FAM240B: variants seen among roughly 807,000 people sequenced by gnomAD.
The protein encoded by FAM240B is protein FAM240B.
intron 1 of FAM240B, among the ~76,000 whole-genome samples, chr9:38,710,675 T>A (rs1412834888): frequency 6.7e-6 from 1 of 148,398 alleles, no homozygotes; most frequent in Non-Finnish European, 1.5e-5. Context: ...ATGGAGCAGG[T>A]CTGCCCCCAC....
At chr9:38,707,872 C>G (rs569030387) in intron 1 of FAM240B, among the ~76,000 whole-genome samples, 4 of 151,982 alleles carry the variant, frequency 2.6e-5, no homozygotes, top group African/African-American at 9.6e-5. Flanking sequence ...AGCTCTGCTT[C>G]TCATTCCTTT....
At chr9:38,698,141 G>A (rs1473085379) in intron 2 of FAM240B, among the ~76,000 whole-genome samples, 7 of 152,068 alleles carry the variant, frequency 4.6e-5, no homozygotes, top group East Asian at 1.9e-4. Context: ...CCTTGGTCTC[G>A]ACTTAAAAAA....
intron 1 of FAM240B, among the ~76,000 whole-genome samples, chr9:38,709,366 T>G (rs965508849): frequency 1.3e-5 from 2 of 152,210 alleles, no homozygotes; most frequent in Non-Finnish European, 2.9e-5. Flanking sequence ...TTGAACAGAA[T>G]TGATAGCAAT....
intron 1 of FAM240B, among the ~76,000 whole-genome samples, chr9:38,715,621 A>C (rs1341522253): frequency 1.3e-5 from 2 of 152,246 alleles, no homozygotes; most frequent in Non-Finnish European, 2.9e-5. Flanking sequence ...TTTTCAAAAG[A>C]AGCTGGAAAT....
At chr9:38,717,729 G>A (rs541003452) in intron 1 of FAM240B, among the ~76,000 whole-genome samples, 4 of 152,090 alleles carry the variant, frequency 2.6e-5, no homozygotes, top group South Asian at 2.1e-4. Context: ...TGATCCGCCC[G>A]CCTCGGCCTC....
chr9:38,713,813 G>A (rs141670947), intron 1 of FAM240B, among the ~76,000 whole-genome samples: 2 of 152,330 alleles, frequency 1.3e-5, no homozygotes, highest in African/African-American at 4.8e-5. Context: ...TCTGGCTGAT[G>A]CTATAGAGGA....
intron 1 of FAM240B, among the ~76,000 whole-genome samples, chr9:38,712,610 C>G (rs1376244256): frequency 1.3e-5 from 2 of 152,172 alleles, no homozygotes; most frequent in Non-Finnish European, 2.9e-5. Flanking sequence ...GGAGTCCAGA[C>G]CTGCTGATTT....
chr9:38,719,020 T>C (rs907618604), intron 1 of FAM240B, among the ~76,000 whole-genome samples: 10 of 152,160 alleles, frequency 6.6e-5, no homozygotes, highest in Non-Finnish European at 2.9e-5. Flanking sequence ...ACAGGTTCAT[T>C]GAGGTCCATC....
intron 1 of FAM240B, among the ~76,000 whole-genome samples, chr9:38,714,787 C>T (rs4129108): frequency 0.6 from 90,802 of 152,004 alleles, 27,310 homozygotes; most frequent in Middle Eastern, 0.68. Context: ...GACTGAGAAA[C>T]GGTCACAGAT....
chr9:38,696,854 C>T (rs1489119234), intron 2 of FAM240B, among the ~76,000 whole-genome samples: 1 of 152,102 alleles, frequency 6.6e-6, no homozygotes, highest in Non-Finnish European at 1.5e-5. Flanking sequence ...CTTATATGAC[C>T]TTCTACTTTG....
chr9:38,695,541 A>C (rs1410940542), intron 2 of FAM240B, among the ~76,000 whole-genome samples: 5 of 152,138 alleles, frequency 3.3e-5, no homozygotes, highest in African/African-American at 1.2e-4. Flanking sequence ...AACAACAACA[A>C]ACCAATGCTT....
At chr9:38,709,032 G>A (rs891277302) in intron 1 of FAM240B, among the ~76,000 whole-genome samples, 1 of 152,042 alleles carries the variant, frequency 6.6e-6, no homozygotes, top group Non-Finnish European at 1.5e-5. Flanking sequence ...TGTTATATTT[G>A]TGGGCTCTCT....
intron 1 of FAM240B, among the ~76,000 whole-genome samples, chr9:38,714,368 A>G (rs1318132888): frequency 2.6e-5 from 4 of 152,242 alleles, no homozygotes; most frequent in Non-Finnish European, 5.9e-5. Flanking sequence ...CAATGCTTGC[A>G]TGACATCAAA....
rs1821159276 is a variant in FAM240B, at chr9:38,703,951, G to A, written c.49C>T (p.His17Tyr). 1 of 400,502 alleles carries A rather than the reference G, an allele frequency of 2.5e-6. No homozygotes were observed. Among genetic ancestry groups the A allele is most frequent in the African/African-American group, 2.0e-5 (1 of 48,800 alleles). The allele number at this position is 400,502 out of a possible 1,614,324, so 24.8% of individuals were successfully genotyped here. The change falls in exon 2 of 3, where the codon CAT becomes TAT. Residue 17 changes from histidine (H) to tyrosine (Y), a missense_variant. Transcript: ENST00000637493. The stretch of plus-strand genomic sequence containing the variant: ...TTTTCCCAGAAGCTTTTGAGCTCAT[G>A]ACAAGTTCCACAGCAGAAGACTTCT... ...RREVFCCGTC[H>Y]ELKSFWEKEI...
chr9:38,705,226 T>C (rs1821175217), intron 1 of FAM240B: 1 of 152,312 alleles, frequency 6.6e-6, no homozygotes, highest in Admixed American at 6.5e-5. Context: ...AAAGTCCCTA[T>C]GATCCCGTGC....
chr9:38,706,259 A>C (rs567002051), intron 1 of FAM240B, among the ~76,000 whole-genome samples: 5 of 152,322 alleles, frequency 3.3e-5, no homozygotes, highest in Non-Finnish European at 1.5e-5. Flanking sequence ...GCTGATTTTC[A>C]GAGGCATTGA....
At chr9:38,714,494 G>T (rs898501368) in intron 1 of FAM240B, among the ~76,000 whole-genome samples, 1 of 152,164 alleles carries the variant, frequency 6.6e-6, no homozygotes, top group African/African-American at 2.4e-5. Context: ...CTTCAGTCTG[G>T]GATGACTTGG....
rs144495827 is a variant in FAM240B at position 38,707,150 on chromosome 9, A to C, written c.-3-3148T>G. Among the ~76,000 whole-genome samples, 269 of 152,266 alleles carry C rather than the reference A, an allele frequency of 1.8e-3. 3 individuals carry two copies. Among genetic ancestry groups the C allele is most frequent in the African/African-American group, 6.2e-3 (257 of 41,566 alleles). ...TTACAAAATACCCCTAAAGATTGCA[A>C]GTTCATATTGGGTACCCGGTATTTA... On this transcript the variant is annotated intron_variant, in intron 1 of 2. Coordinates refer to ENST00000637493, the MANE Select transcript of FAM240B (RefSeq NM_001394922.1).
At chr9:38,703,711 T>C (rs185540877) in intron 2 of FAM240B, 146 bp downstream of exon 2, 1 of 394,706 alleles carries the variant, frequency 2.5e-6, no homozygotes, top group Non-Finnish European at 4.5e-6. Context: ...CTCCTGTCAC[T>C]GCACAGAATT....
Sources: allele counts gnomAD v4.1 joint callset (sites outside exome capture counted in the v4.1 genomes callset), GRCh38; gene constraint gnomAD v4.1.1; transcripts MANE v1.5; gene names NCBI Gene and HGNC (gene_info 2026-07-23, HGNC 2026-07-21).